The following TRMT11 variants were observed in gnomAD, a reference collection of about 807,000 sequenced individuals.
The protein encoded by TRMT11 is tRNA (guanine(10)-N(2))-methyltransferase TRMT11.
A neutral mutation model predicts 62.8 loss-of-function variants in TRMT11; 53 were observed. That is an observed-to-expected ratio of 0.84 (90% CI 0.68 to 1.06). The LOEUF (loss-of-function observed/expected upper bound fraction) is 1.06. TRMT11 is among the 50% of genes least tolerant of loss of function. The pLI is 0.00. For missense variants in TRMT11, 556 were observed against 553.4 expected (o/e 1.00, Z -0.05); for synonymous variants, 188 against 190.3 (o/e 0.99, Z 0.10).
intron 21 of TRMT11, among the ~76,000 whole-genome samples, chr6:126,141,400 A>G (rs1777915062): frequency 6.6e-6 from 1 of 152,190 alleles, no homozygotes; most frequent in South Asian, 2.1e-4. Flanking sequence ...CACATGTTAA[A>G]TCAGTGAGAA....
At chr6:126,058,182 A>G (rs1776425243) in intron 17 of TRMT11, among the ~76,000 whole-genome samples, 1 of 151,880 alleles carries the variant, frequency 6.6e-6, no homozygotes, top group Admixed American at 6.6e-5. Context: ...TTCAACTCCC[A>G]CTTATGAGTG....
chr6:126,119,167 A>G (rs1777621079), intron 21 of TRMT11, among the ~76,000 whole-genome samples: 1 of 149,422 alleles, frequency 6.7e-6, no homozygotes, highest in Admixed American at 6.6e-5. Flanking sequence ...GCGATTAATC[A>G]CTAGATAAAC....
At position 126,152,552 on chromosome 6, in the gene TRMT11, A is replaced by T. The variant is rs548929100; in HGVS notation, c.*1824-22273A>T. ...AAATGAAGAGATTACTGGGAGACAC[A>T]TGCCTCAGGTCAAAGAAGACAATGG... is the stretch of plus-strand genomic sequence containing the variant. On this transcript the variant is annotated intron_variant and NMD_transcript_variant, in intron 21 of 22. Coordinates refer to the TRMT11 transcript ENST00000648977. 3.9e-5 allele frequency among the ~76,000 whole-genome samples: 6 copies of T among 152,324 alleles called. No homozygotes were observed. The South Asian group carries it at 1.2e-3, about 32-fold the overall frequency.
At chr6:126,137,842 CATTATAAGTGAA>C (rs1458049733) in intron 21 of TRMT11, among the ~76,000 whole-genome samples, 1 of 151,598 alleles carries the variant, frequency 6.6e-6, no homozygotes, top group Non-Finnish European at 1.5e-5. Context: ...GACTGGAGGT[CATTATAAGTGAA>C]ATAAGCCAGT....
At chr6:126,156,663 C>T (rs1275953593) in intron 21 of TRMT11, among the ~76,000 whole-genome samples, 5 of 152,130 alleles carry the variant, frequency 3.3e-5, no homozygotes, top group African/African-American at 4.8e-5. Flanking sequence ...TGGTGAGGGC[C>T]GTCATGGTGG....
chr6:126,118,830 ATTATATTT>A (rs1777617281), intron 21 of TRMT11, among the ~76,000 whole-genome samples: 2 of 152,226 alleles, frequency 1.3e-5, no homozygotes, highest in South Asian at 4.1e-4. Flanking sequence ...AGATCTCTTT[ATTATATTT>A]CAACAGCTAT....
chr6:126,159,736 C>T (rs1017010719), intron 21 of TRMT11, among the ~76,000 whole-genome samples: 21 of 152,152 alleles, frequency 1.4e-4, no homozygotes, highest in African/African-American at 4.6e-4. Flanking sequence ...CCCTCTGAAA[C>T]CTCTAGAGGA....
At chr6:126,098,484 A>G (rs951349469) in intron 17 of TRMT11, among the ~76,000 whole-genome samples, 1 of 152,212 alleles carries the variant, frequency 6.6e-6, no homozygotes, top group Non-Finnish European at 1.5e-5. Flanking sequence ...TTCTGGTTCC[A>G]TAAAGGTCTG....
At chr6:126,152,712 CT>C (rs1419497068) in intron 21 of TRMT11, among the ~76,000 whole-genome samples, 1 of 152,148 alleles carries the variant, frequency 6.6e-6, no homozygotes, top group Non-Finnish European at 1.5e-5. Context: ...TTTAAATATT[CT>C]TTCTAAATTT....
At chr6:126,228,487 T>A in the TRMT11 span, among the ~76,000 whole-genome samples, 1 of 152,240 alleles carries the variant, frequency 6.6e-6, no homozygotes, top group Non-Finnish European at 1.5e-5. Context: ...AAGCGCTGCC[T>A]CTTTAGGGGT....
At chr6:126,044,001 G>T (rs1163883555), downstream of TRMT11, among the ~76,000 whole-genome samples, 1 of 151,548 alleles carries the variant, frequency 6.6e-6, no homozygotes, top group Admixed American at 6.6e-5. Context: ...CCATTCTGTA[G>T]GTTGCCTGTT....
intron 21 of TRMT11, among the ~76,000 whole-genome samples, chr6:126,133,262 T>A (rs1777809360): frequency 6.6e-6 from 1 of 152,038 alleles, no homozygotes; most frequent in Non-Finnish European, 1.5e-5. Context: ...AATTAGAACA[T>A]CTTTTAAATC....
intron 16 of TRMT11, among the ~76,000 whole-genome samples, chr6:126,050,752 C>T (rs1776192971): frequency 6.6e-6 from 1 of 151,686 alleles, no homozygotes; most frequent in Non-Finnish European, 1.5e-5. Flanking sequence ...TTGAGACAGG[C>T]CAGGAGGTAA....
chr6:126,260,025 C>T, the TRMT11 span, among the ~76,000 whole-genome samples: 1 of 151,990 alleles, frequency 6.6e-6, no homozygotes, highest in Admixed American at 6.6e-5. Flanking sequence ...TGCAGCTACT[C>T]TATATTTTTT....
chr6:126,224,805 G>A, the TRMT11 span, among the ~76,000 whole-genome samples: 6 of 152,216 alleles, frequency 3.9e-5, no homozygotes. Flanking sequence ...TGGCAGTGGG[G>A]CAACAAGTTC....
the TRMT11 span, among the ~76,000 whole-genome samples, chr6:126,255,219 T>C: frequency 6.6e-6 from 1 of 152,232 alleles, no homozygotes; most frequent in African/African-American, 2.4e-5. Context: ...TAATTTTCTT[T>C]CATCAATAAT....
upstream of TRMT11, among the ~76,000 whole-genome samples, chr6:126,174,233 A>G (rs1348327493): frequency 6.6e-6 from 1 of 151,966 alleles, no homozygotes; most frequent in Non-Finnish European, 1.5e-5. Flanking sequence ...TATTTTACAA[A>G]CTCTAAACCC....
chr6:126,214,363 C>T, the TRMT11 span, among the ~76,000 whole-genome samples: 282 of 152,048 alleles, frequency 1.9e-3, no homozygotes, highest in Non-Finnish European at 3.0e-3. Context: ...GCCATCAGGT[C>T]TTGGGCTTTT....
chr6:126,170,426 T>C (rs1387964594), intron 21 of TRMT11, among the ~76,000 whole-genome samples: 1 of 152,202 alleles, frequency 6.6e-6, no homozygotes, highest in African/African-American at 2.4e-5. Context: ...GAAAATTCAG[T>C]GGATGTTCTT....
Sources: allele counts gnomAD v4.1 joint callset (sites outside exome capture counted in the v4.1 genomes callset), GRCh38; gene constraint gnomAD v4.1.1; transcripts MANE v1.5; gene names NCBI Gene and HGNC (gene_info 2026-07-23, HGNC 2026-07-21).